PPP6R2: variants seen among roughly 807,000 people sequenced by gnomAD.
The protein encoded by PPP6R2 is protein phosphatase 6 regulatory subunit 2, also known as serine/threonine-protein phosphatase 6 regulatory subunit 2.
Under a neutral mutation model 100.2 loss-of-function variants are expected in PPP6R2, and 62 were observed. The observed-to-expected ratio is 0.62, with a 90% CI of 0.50 to 0.76. The LOEUF (loss-of-function observed/expected upper bound fraction) is 0.76. Ranked by LOEUF, PPP6R2 falls within the 30% of genes least tolerant of loss-of-function variation. PPP6R2 has a pLI of 0.00. For synonymous variants in PPP6R2, 525 were observed against 514.7 expected, an observed-to-expected ratio of 1.02 and a Z score of -0.27; for missense variants, 1,142 against 1,276.3, an observed-to-expected ratio of 0.89 and a Z score of 1.60.
chr22:50,427,262 T>G (rs772088563), intron 10 of PPP6R2, among the ~76,000 whole-genome samples: 3 of 152,186 alleles, frequency 2.0e-5, no homozygotes, highest in Non-Finnish European at 4.4e-5. Flanking sequence ...TTCGTTGGTT[T>G]ATATGTCTGT....
intron 8 of PPP6R2, 129 bp from the exon 9 acceptor site, chr22:50,422,125 A>T: frequency 8.4e-7 from 1 of 1,197,408 alleles, no homozygotes; most frequent in Non-Finnish European, 1.2e-6. Context: ...GGGTAGCTGC[A>T]CTGCTCTAGG....
chr22:50,360,240 A>T (rs762597494), intron 1 of PPP6R2, among the ~76,000 whole-genome samples: 1 of 150,696 alleles, frequency 6.6e-6, no homozygotes, highest in Non-Finnish European at 1.5e-5. Context: ...TTTAGTAGAG[A>T]TGGGGCTTCA....
intron 14 of PPP6R2, among the ~76,000 whole-genome samples, chr22:50,436,667 T>A (rs1603411130): frequency 6.6e-6 from 1 of 152,226 alleles, no homozygotes. Flanking sequence ...GCTGGGTCTC[T>A]GAGGACCTCT....
chr22:50,354,138 C>T (rs1460596615), intron 1 of PPP6R2, among the ~76,000 whole-genome samples: 1 of 150,030 alleles, frequency 6.7e-6, no homozygotes, highest in African/African-American at 2.5e-5. Flanking sequence ...AACCCTGTCT[C>T]TACTAAAAAT....
Position 50,418,853 on chromosome 22 carries a change from C to T in PPP6R2, c.619-14C>T. 6.3e-7 allele frequency: 1 copy of T among 1,597,290 alleles called. No individual in the cohort carries two copies. Among genetic ancestry groups the T allele is most frequent in the Non-Finnish European group, 8.6e-7 (1 of 1,164,794 alleles). On this transcript the variant is annotated splice_polypyrimidine_tract_variant and intron_variant, in intron 6 of 23. Coordinates refer to ENST00000612753, the MANE Select transcript of PPP6R2 (RefSeq NM_001242898.2). ...TCCACACTGAGGGACTCTGTGTTTC[C>T]CTTGTCTTTTCAGAGGCAGTCAAAT... is the stretch of plus-strand genomic sequence containing the variant.
rs2066671191 is a variant in PPP6R2, at chr22:50,444,795, A to C, written c.*548A>C. On this transcript the variant is annotated 3_prime_UTR_variant, in exon 24 of 24. Coordinates refer to ENST00000612753, the MANE Select transcript of PPP6R2 (RefSeq NM_001242898.2). Reference sequence around the variant, plus strand: ...CCAATAGCCCTTGGAGCTGGCACTGAACCAGGCTGCAAGATTTGACTGCCT... The same window carrying C: ...CCAATAGCCCTTGGAGCTGGCACTGCACCAGGCTGCAAGATTTGACTGCCT... 1 of 156,732 alleles carries C rather than the reference A, an allele frequency of 6.4e-6. No individual in the cohort carries two copies. The highest frequency in any genetic ancestry group is 1.9e-4 in the South Asian group (1 of 5,186). 9.7% of individuals were successfully genotyped at this position (156,732 alleles called of 1,614,324 possible). A position where few individuals can be genotyped will look rare whatever the true frequency, so the allele number is the denominator to read the frequency against.
At chr22:50,395,547 T>C (rs2056610282) in intron 3 of PPP6R2, among the ~76,000 whole-genome samples, 1 of 152,076 alleles carries the variant, frequency 6.6e-6, no homozygotes, top group Admixed American at 6.6e-5. Flanking sequence ...GAGTGAAGAA[T>C]GGTTTTACAT....
chr22:50,438,737 G>C lies in PPP6R2; in HGVS notation c.2103G>C (p.Ala701=), dbSNP rs4824131. 1,039,121 of 1,602,836 alleles carry C rather than the reference G, an allele frequency of 0.65. 340,665 individuals are homozygous for C. Among genetic ancestry groups the C allele is most frequent in the East Asian group, 0.94 (41,724 of 44,202 alleles). Residue 701 remains alanine (A), a synonymous_variant, in exon 19 of 24, where the codon GCG becomes GCC. Transcript: ENST00000612753. ...GAPPAPGKKE[A]PPVEGDSEGA... is the part of the protein sequence containing the mutation. ...CACCGGCCCCCGGGAAGAAGGAAGC[G>C]CCCCCTGTGGAGGGTGACTCAGAAG...
At chr22:50,384,382 C>T (rs1408513961) in intron 2 of PPP6R2, among the ~76,000 whole-genome samples, 3 of 151,976 alleles carry the variant, frequency 2.0e-5, no homozygotes, top group South Asian at 2.1e-4. Flanking sequence ...AGTGAAACCC[C>T]GTCTCTACTA....
upstream of PPP6R2, among the ~76,000 whole-genome samples, chr22:50,342,556 T>C (rs2042524322): frequency 6.6e-6 from 1 of 152,206 alleles, no homozygotes; most frequent in South Asian, 2.1e-4. Flanking sequence ...CCAGATACGC[T>C]TTCGCAGAGA....
chr22:50,444,060 T>C lies in PPP6R2; in HGVS notation c.2774T>C (p.Met925Thr). 1 of 1,612,992 alleles carries C rather than the reference T, an allele frequency of 6.2e-7. No homozygotes were observed. Among genetic ancestry groups the C allele is most frequent in the Non-Finnish European group, 8.5e-7 (1 of 1,179,674 alleles). The change falls in exon 23 of 24, where the codon ATG becomes ACG. Residue 925 changes from methionine (M) to threonine (T), a missense_variant. Coordinates refer to ENST00000612753, the MANE Select transcript of PPP6R2 (RefSeq NM_001242898.2). Reference protein sequence around the residue: ...LAVAVPLGPIMAVTAAPAMVA... With the variant: ...LAVAVPLGPITAVTAAPAMVA... The stretch of plus-strand genomic sequence containing the variant: ...GTGGCGGTCCCCCTAGGGCCCATCA[T>C]GGCAGTCACAGCAGCCCCAGCCATG...
chr22:50,376,408 T>TA (rs1243925675), intron 2 of PPP6R2, among the ~76,000 whole-genome samples: 1 of 152,088 alleles, frequency 6.6e-6, no homozygotes, highest in Non-Finnish European at 1.5e-5. Flanking sequence ...AAACAGACTA[T>TA]AAAAAAAGTG....
chr22:50,423,739 G>C lies in PPP6R2; in HGVS notation c.1125+125G>C. 1 of 1,189,136 alleles carries C rather than the reference G, an allele frequency of 8.4e-7. No individual in the cohort carries two copies. Among genetic ancestry groups the C allele is most frequent in the Non-Finnish European group, 1.2e-6 (1 of 845,102 alleles). The allele number at this position is 1,189,136 out of a possible 1,614,324, so 73.7% of individuals were successfully genotyped here. The stretch of plus-strand genomic sequence containing the variant: ...AAAGCTCTGCCACGGGGAGGTTCCA[G>C]TCCCAAGTCCCAAGGCTGGACTACA... On this transcript the variant is annotated intron_variant, in intron 10 of 23. Transcript: ENST00000612753. This position sits in a 1 kb window ranked among gnomAD's most constrained non-coding sequence, Gnocchi z 4.8.
At chr22:50,375,363 A>G (rs2051251114) in intron 2 of PPP6R2, among the ~76,000 whole-genome samples, 1 of 152,212 alleles carries the variant, frequency 6.6e-6, no homozygotes, top group Non-Finnish European at 1.5e-5. Flanking sequence ...TTTAAACACC[A>G]TAGAATGGGG....
chr22:50,384,311 T>A (rs1458431532), intron 2 of PPP6R2, among the ~76,000 whole-genome samples: 3 of 152,064 alleles, frequency 2.0e-5, no homozygotes, highest in African/African-American at 7.2e-5. Flanking sequence ...ATCCCACCAG[T>A]CTGGGAGGCT....
At chr22:50,412,089 TG>T (rs1207317758) in intron 4 of PPP6R2, among the ~76,000 whole-genome samples, 1 of 152,146 alleles carries the variant, frequency 6.6e-6, no homozygotes, top group African/African-American at 2.4e-5. Context: ...TTTCCTCCAA[TG>T]GTGACATTTT....
At chr22:50,426,856 G>A (rs576629520) in intron 10 of PPP6R2, among the ~76,000 whole-genome samples, 60 of 137,816 alleles carry the variant, frequency 4.4e-4, no homozygotes, top group African/African-American at 1.4e-3. Flanking sequence ...AAAAAACACC[G>A]TCCTTTCCCC....
chr22:50,369,362 G>C (rs1280121857), intron 1 of PPP6R2, among the ~76,000 whole-genome samples: 1 of 152,088 alleles, frequency 6.6e-6, no homozygotes, highest in Non-Finnish European at 1.5e-5. Context: ...GGTATAAAAA[G>C]TATTACCTGT....
At chr22:50,400,769 A>G in intron 3 of PPP6R2, among the ~76,000 whole-genome samples, 1 of 152,232 alleles carries the variant, frequency 6.6e-6, no homozygotes, top group Non-Finnish European at 1.5e-5. Context: ...CCGAGTAGAC[A>G]AATGAGGTCA....
Sources: allele counts gnomAD v4.1 joint callset (sites outside exome capture counted in the v4.1 genomes callset), GRCh38; gene constraint gnomAD v4.1.1; non-coding constraint Gnocchi (gnomAD v3.1); transcripts MANE v1.5; gene names NCBI Gene and HGNC (gene_info 2026-07-23, HGNC 2026-07-21).